The following ANKRD36C variants were observed in gnomAD, a reference collection of about 807,000 sequenced individuals.
ANKRD36C encodes the protein ankyrin repeat domain-containing protein 36C.
A neutral mutation model predicts 276.4 loss-of-function variants in ANKRD36C; 61 were observed. That is an observed-to-expected ratio of 0.22 (90% CI 0.18 to 0.27). The LOEUF (loss-of-function observed/expected upper bound fraction) is 0.27, where lower values mean the gene tolerates loss of function less well. Ranked by LOEUF, ANKRD36C falls within the 10% of genes least tolerant of loss-of-function variation. The pLI, the probability that ANKRD36C is intolerant of heterozygous loss-of-function variation, is 1.00. For missense variants in ANKRD36C, 1,447 were observed against 2,032.3 expected (o/e 0.71, Z 5.54); for synonymous variants, 483 against 680.1 (o/e 0.71, Z 4.51).
intron 19 of ANKRD36C, among the ~76,000 whole-genome samples, chr2:95,943,385 T>G (rs887580947): frequency 2.6e-5 from 4 of 151,102 alleles, no homozygotes; most frequent in Admixed American, 6.6e-5. Flanking sequence ...CTCGCGAGGC[T>G]GAGGCAGGAG....
chr2:95,923,017 CT>C (rs1053410025), intron 32 of ANKRD36C, among the ~76,000 whole-genome samples: 40 of 151,628 alleles, frequency 2.6e-4, no homozygotes, highest in African/African-American at 8.7e-4. Context: ...TCTTTTCCCT[CT>C]TTCCTGCCTC....
downstream of ANKRD36C, chr2:95,851,103 C>G (rs1013647919): frequency 1.9e-5 from 26 of 1,334,764 alleles, no homozygotes; most frequent in Non-Finnish European, 2.6e-5. Context: ...ATACCGTTCA[C>G]TACTTAGAGT....
chr2:95,951,492 C>T (rs966938831), intron 14 of ANKRD36C, 84 bp from the exon 15 acceptor site: 83 of 941,066 alleles, frequency 8.8e-5, no homozygotes, highest in Non-Finnish European at 8.4e-5. Flanking sequence ...CGTGATCTAA[C>T]AGGAAAAGTA....
At chr2:95,857,823 T>G (rs1342185016) in intron 61 of ANKRD36C, among the ~76,000 whole-genome samples, 2 of 146,020 alleles carry the variant, frequency 1.4e-5, no homozygotes. Context: ...TCTATGCAGA[T>G]CCAGGGGATA....
At chr2:95,862,142 A>G (rs1442983781) in intron 60 of ANKRD36C, among the ~76,000 whole-genome samples, 2 of 152,150 alleles carry the variant, frequency 1.3e-5, no homozygotes, top group African/African-American at 4.8e-5. Flanking sequence ...ATTTCTAGGT[A>G]ATCTGAGGTT....
chr2:95,857,075 T>C (rs1675431333), intron 62 of ANKRD36C, among the ~76,000 whole-genome samples: 1 of 152,082 alleles, frequency 6.6e-6, no homozygotes, highest in African/African-American at 2.4e-5. Context: ...ATACTAACAA[T>C]ATCATTAAGT....
chr2:95,916,821 T>C (rs1423949542), intron 36 of ANKRD36C, among the ~76,000 whole-genome samples: 5 of 151,672 alleles, frequency 3.3e-5, no homozygotes, highest in African/African-American at 4.8e-5. Flanking sequence ...TTTCTTCATC[T>C]AGTCGTGGCA....
chr2:95,953,299 C>A (rs376098872), intron 14 of ANKRD36C, among the ~76,000 whole-genome samples: 5 of 152,088 alleles, frequency 3.3e-5, no homozygotes, highest in Non-Finnish European at 5.9e-5. Flanking sequence ...AACTCCTGGG[C>A]TCAAGAAATT....
At chr2:95,989,779 G>T (rs1346543298) in intron 1 of ANKRD36C, among the ~76,000 whole-genome samples, 10 of 152,080 alleles carry the variant, frequency 6.6e-5, no homozygotes, top group Non-Finnish European at 1.2e-4. Context: ...TATATGTACT[G>T]CTACCCTTTA....
At position 95,914,268 on chromosome 2, in the gene ANKRD36C, T is replaced by C. The variant is rs1446413296; in HGVS notation, c.2478+7A>G. On this transcript the variant is annotated splice_region_variant and intron_variant, in intron 39 of 66. Coordinates refer to ENST00000456556, the Ensembl canonical transcript of ANKRD36C. Reference sequence around the variant, plus strand: ...CTAGGTCACAATATAAATGACAGTTTCATTACCTTCAAGCCTGCTGGTTTC... The same window carrying C: ...CTAGGTCACAATATAAATGACAGTTCCATTACCTTCAAGCCTGCTGGTTTC... The C allele has an allele frequency of 1.5e-5, 24 of 1,551,754 alleles. No individual in the cohort carries two copies. The highest frequency in any genetic ancestry group is 2.1e-5 in the Non-Finnish European group (24 of 1,146,582).
chr2:95,889,743 G>C (rs1676289450), intron 48 of ANKRD36C, 56 bp downstream of exon 68: 1 of 1,533,744 alleles, frequency 6.5e-7, no homozygotes, highest in African/African-American at 1.4e-5. Context: ...ATTTGGTGAA[G>C]AGAAGATCTC....
intron 58 of ANKRD36C, among the ~76,000 whole-genome samples, chr2:95,879,787 G>T (rs1676035932): frequency 6.6e-6 from 1 of 150,740 alleles, no homozygotes. Flanking sequence ...ATATTTTACA[G>T]TATCAAAATT....
At chr2:95,891,014 G>T (rs1352163420) in intron 46 of ANKRD36C, among the ~76,000 whole-genome samples, 1 of 151,426 alleles carries the variant, frequency 6.6e-6, no homozygotes, top group African/African-American at 2.4e-5. Context: ...AGAAAGAGGA[G>T]TAATGAGTCA....
intron 20 of ANKRD36C, among the ~76,000 whole-genome samples, chr2:95,939,218 C>A (rs1349571887): frequency 6.6e-6 from 1 of 152,302 alleles, no homozygotes; most frequent in African/African-American, 2.4e-5. Context: ...AATATAGATT[C>A]TATAAAACAT....
Position 95,988,939 on chromosome 2 carries a change from G to A in ANKRD36C, c.198-1733C>T, listed in dbSNP as rs568599602. On this transcript the variant is annotated intron_variant, in intron 1 of 66. Coordinates refer to ENST00000456556, the Ensembl canonical transcript of ANKRD36C. ...TCCCAGAACTTTGGGAGGCCGAGGC[G>A]GGGGGATCACCTGAGGTCAGGAGTT... Among the ~76,000 whole-genome samples, 102 of 152,176 alleles carry A rather than the reference G, an allele frequency of 6.7e-4. 2 individuals are homozygous for A. Among genetic ancestry groups the A allele is most frequent in the Admixed American group, 6.0e-3 (92 of 15,282 alleles).
intron 53 of ANKRD36C, 32 bp downstream of exon 73, chr2:95,884,308 C>G (rs748907405): frequency 1.2e-6 from 2 of 1,610,450 alleles, no homozygotes; most frequent in East Asian, 2.2e-5. Context: ...TATACAATTA[C>G]TAGTTCACAA....
exon 26 of ANKRD36C, chr2:95,929,095 T>A: frequency 6.2e-7 from 1 of 1,603,950 alleles, no homozygotes. Context: ...TGGTCCCTCC[T>A]TTATTTCTGT....
intron 1 of ANKRD36C, among the ~76,000 whole-genome samples, chr2:95,991,055 C>G (rs1445953776): frequency 2.0e-5 from 3 of 151,578 alleles, no homozygotes; most frequent in Non-Finnish European, 4.4e-5. Context: ...GTTTCCACAT[C>G]CCAGGTGCGG....
chr2:95,857,969 C>T (rs565819420), intron 61 of ANKRD36C, among the ~76,000 whole-genome samples: 1 of 152,028 alleles, frequency 6.6e-6, no homozygotes, highest in South Asian at 2.1e-4. Context: ...CTGAACATTT[C>T]TTTCCATTAA....
Sources: allele counts gnomAD v4.1 joint callset (sites outside exome capture counted in the v4.1 genomes callset), GRCh38; gene constraint gnomAD v4.1.1; transcripts MANE v1.5; gene names NCBI Gene and HGNC (gene_info 2026-07-23, HGNC 2026-07-21).